Variants in ATP8B4 observed in about 807,000 individuals in gnomAD.
ATP8B4 encodes probable phospholipid-transporting ATPase IM.
In ATP8B4, 133 loss-of-function variants were observed where a neutral mutation model predicts 145.6. The observed-to-expected ratio is 0.91, with a 90% CI of 0.79 to 1.05. The LOEUF is 1.05. ATP8B4 is among the 50% of genes least tolerant of loss of function. The pLI is 0.00. For synonymous variants in ATP8B4, 507 were observed against 492.9 expected, an observed-to-expected ratio of 1.03 and a Z score of -0.38; for missense variants, 1,458 against 1,425.2, an observed-to-expected ratio of 1.02 and a Z score of -0.37.
intron 1 of ATP8B4, among the ~76,000 whole-genome samples, chr15:50,125,518 C>T (rs1340302467): frequency 6.6e-6 from 1 of 152,172 alleles, no homozygotes; most frequent in Non-Finnish European, 1.5e-5. Flanking sequence ...GTATCAACCC[C>T]TCTGCAAGGC....
At chr15:49,982,467 A>G (rs956139420) in intron 10 of ATP8B4, 13 of 152,152 alleles carry the variant, frequency 8.5e-5, no homozygotes, top group African/African-American at 3.1e-4. Context: ...CACCCTGAAC[A>G]TACTTGATCT....
At chr15:49,976,118 G>A (rs1308581344) in intron 12 of ATP8B4, among the ~76,000 whole-genome samples, 1 of 152,056 alleles carries the variant, frequency 6.6e-6, no homozygotes, top group Non-Finnish European at 1.5e-5. Context: ...CTATTTGGAT[G>A]GTAGCAGTTT....
intron 1 of ATP8B4, among the ~76,000 whole-genome samples, chr15:50,115,739 T>C (rs1238854713): frequency 1.3e-5 from 2 of 152,158 alleles, no homozygotes; most frequent in Non-Finnish European, 1.5e-5. Context: ...TGCCATTCAC[T>C]GGGGACTTGG....
intron 1 of ATP8B4, among the ~76,000 whole-genome samples, chr15:50,138,743 T>C (rs1231187266): frequency 6.6e-6 from 1 of 152,264 alleles, no homozygotes; most frequent in East Asian, 1.9e-4. Context: ...TACTTCCCAG[T>C]CACTTCTTAT....
At chr15:50,108,021 A>C (rs1409997250) in intron 1 of ATP8B4, among the ~76,000 whole-genome samples, 1 of 152,020 alleles carries the variant, frequency 6.6e-6, no homozygotes, top group African/African-American at 2.4e-5. Flanking sequence ...AGTGTTTTCT[A>C]GGGGCCAGGT....
intron 14 of ATP8B4, among the ~76,000 whole-genome samples, chr15:49,940,153 C>T (rs1251942871): frequency 6.6e-6 from 1 of 152,108 alleles, no homozygotes; most frequent in African/African-American, 2.4e-5. Context: ...ACCCAGGTGC[C>T]ATCAACAATG....
chr15:49,882,260 C>T (rs1274434921), intron 23 of ATP8B4, among the ~76,000 whole-genome samples: 3 of 152,174 alleles, frequency 2.0e-5, no homozygotes, highest in Admixed American at 2.0e-4. Context: ...AGGGTCCCAG[C>T]CCAGAGCAGC....
chr15:50,062,611 C>T (rs1462007909), intron 3 of ATP8B4, among the ~76,000 whole-genome samples: 2 of 152,042 alleles, frequency 1.3e-5, no homozygotes, highest in Non-Finnish European at 2.9e-5. Flanking sequence ...ATAACATGAG[C>T]TAATATAATT....
At chr15:49,990,791 G>T (rs1033599946) in intron 9 of ATP8B4, among the ~76,000 whole-genome samples, 1 of 152,130 alleles carries the variant, frequency 6.6e-6, no homozygotes, top group Non-Finnish European at 1.5e-5. Context: ...TTGATTATCT[G>T]TACTGCAACT....
At chr15:50,079,297 T>C (rs2054391978) in intron 2 of ATP8B4, among the ~76,000 whole-genome samples, 2 of 152,032 alleles carry the variant, frequency 1.3e-5, no homozygotes, top group Admixed American at 6.6e-5. Context: ...TAAAGTACAG[T>C]AGGGTGGAAG....
At chr15:50,006,381 GAGAT>G (rs1306734191) in intron 7 of ATP8B4, among the ~76,000 whole-genome samples, 1 of 148,470 alleles carries the variant, frequency 6.7e-6, no homozygotes, top group Non-Finnish European at 1.5e-5. Flanking sequence ...GAGACAGAAA[GAGAT>G]AGAAAGATAG....
At chr15:49,995,304 C>T (rs1469237858) in intron 9 of ATP8B4, among the ~76,000 whole-genome samples, 1 of 152,058 alleles carries the variant, frequency 6.6e-6, no homozygotes, top group Non-Finnish European at 1.5e-5. Context: ...CTTTTTGGGC[C>T]TCCATGAATA....
intron 1 of ATP8B4, among the ~76,000 whole-genome samples, chr15:50,168,324 GC>G (rs2044623088): frequency 6.6e-6 from 1 of 152,142 alleles, no homozygotes; most frequent in Non-Finnish European, 1.5e-5. Context: ...GACTGCTCCT[GC>G]AGGACCACAG....
At chr15:49,890,243 T>C (rs2153421281) in intron 23 of ATP8B4, among the ~76,000 whole-genome samples, 1 of 152,270 alleles carries the variant, frequency 6.6e-6, no homozygotes, top group South Asian at 2.1e-4. Context: ...GGACAATATG[T>C]GTGAGAGTCT....
At chr15:49,957,040 G>A (rs2043630143) in intron 14 of ATP8B4, among the ~76,000 whole-genome samples, 1 of 151,956 alleles carries the variant, frequency 6.6e-6, no homozygotes, top group Non-Finnish European at 1.5e-5. Context: ...ACTTGACTAT[G>A]TGAAAAGATT....
intron 1 of ATP8B4, among the ~76,000 whole-genome samples, chr15:50,109,669 G>A (rs1042366677): frequency 2.6e-5 from 4 of 151,750 alleles, no homozygotes; most frequent in African/African-American, 9.7e-5. Flanking sequence ...CACCCAAACA[G>A]CGGCAATGAG....
At chr15:50,177,012 T>C (rs78437064) in intron 1 of ATP8B4, among the ~76,000 whole-genome samples, 1 of 152,322 alleles carries the variant, frequency 6.6e-6, no homozygotes, top group African/African-American at 2.4e-5. Context: ...TGTATGCCTA[T>C]ACTCAAATGG....
intron 1 of ATP8B4, among the ~76,000 whole-genome samples, chr15:50,111,987 T>C (rs1345431916): frequency 6.6e-6 from 1 of 152,108 alleles, no homozygotes; most frequent in African/African-American, 2.4e-5. Flanking sequence ...GAGCAAATTG[T>C]GAGACCTGGT....
At chr15:50,083,572 T>C (rs2054696898) in intron 2 of ATP8B4, among the ~76,000 whole-genome samples, 1 of 152,090 alleles carries the variant, frequency 6.6e-6, no homozygotes, top group Non-Finnish European at 1.5e-5. Flanking sequence ...CCTCCTGTCA[T>C]AAAATGAGAG....
Sources: gnomAD v4.1 joint callset for allele counts (sites outside exome capture counted in the v4.1 genomes callset) on GRCh38, gnomAD v4.1.1 for gene constraint, MANE v1.5 for transcripts, NCBI Gene and HGNC (gene_info 2026-07-23, HGNC 2026-07-21) for gene names.